KCNH7: variants seen among roughly 807,000 people sequenced by gnomAD.
KCNH7 encodes the protein potassium voltage-gated channel subfamily H member 7, also known as voltage-gated inwardly rectifying potassium channel KCNH7.
A neutral mutation model predicts 120.8 loss-of-function variants in KCNH7; 49 were observed. The observed-to-expected ratio is 0.41, with a 90% CI of 0.32 to 0.51. KCNH7 has a LOEUF of 0.51. Ranked by LOEUF, KCNH7 falls within the 20% of genes least tolerant of loss-of-function variation. KCNH7 has a pLI of 0.38. For synonymous variants in KCNH7, 547 were observed against 516.1 expected (o/e 1.06, Z -0.81); for missense variants, 1,097 against 1,446.6 (o/e 0.76, Z 3.92).
intron 5 of KCNH7, among the ~76,000 whole-genome samples, chr2:162,506,580 T>C (rs1690890256): frequency 6.6e-6 from 1 of 151,806 alleles, no homozygotes; most frequent in Non-Finnish European, 1.5e-5. Context: ...TATAGTTAAA[T>C]TGTATTCAAA....
Position 162,379,964 on chromosome 2 carries a change from G to C in KCNH7, c.3020C>G (p.Ser1007Cys). Residue 1007 changes from serine to cysteine, a missense_variant, in exon 14 of 16, where the codon TCC becomes TGC. By Grantham distance (112) the Ser-to-Cys change is moderately radical. Transcript: ENST00000332142. ...AGCTCGCTGAAGTGCAGATGGACTGGAGTCTTCAGGCTGGGGATGTGCATT... is the reference window on the plus strand; with the variant it reads ...AGCTCGCTGAAGTGCAGATGGACTGCAGTCTTCAGGCTGGGGATGTGCATT... ...RENAHPQPED[S>C]SPSALQRAAW... 1.2e-6 allele frequency: 2 copies of C among 1,614,040 alleles called. No individual in the cohort carries two copies. Among genetic ancestry groups the C allele is most frequent in the Non-Finnish European group, 1.7e-6 (2 of 1,179,946 alleles).
intron 2 of KCNH7, among the ~76,000 whole-genome samples, chr2:162,549,517 A>T (rs372651932): frequency 3.3e-5 from 5 of 152,188 alleles, no homozygotes; most frequent in African/African-American, 1.2e-4. Context: ...ATATCAGAAA[A>T]GTTTCTCTGA....
At chr2:162,671,383 T>A (rs1358303897) in intron 2 of KCNH7, among the ~76,000 whole-genome samples, 1 of 149,142 alleles carries the variant, frequency 6.7e-6, no homozygotes, top group East Asian at 2.1e-4. Flanking sequence ...ATTAAAAAAA[T>A]GAAATCATGT....
At chr2:162,427,519 A>C (rs914520673) in intron 8 of KCNH7, among the ~76,000 whole-genome samples, 1 of 151,912 alleles carries the variant, frequency 6.6e-6, no homozygotes, top group Non-Finnish European at 1.5e-5. Flanking sequence ...CTGTCTTTTC[A>C]AATACTTCAC....
intron 8 of KCNH7, 96 bp downstream of exon 8, chr2:162,435,102 G>A: frequency 4.3e-6 from 5 of 1,167,778 alleles, no homozygotes; most frequent in Non-Finnish European, 6.0e-6. Context: ...TCAATTTTCT[G>A]TAATCTTTTT....
chr2:162,619,464 A>G (rs868767181), intron 2 of KCNH7, among the ~76,000 whole-genome samples: 19 of 151,844 alleles, frequency 1.3e-4, no homozygotes, highest in African/African-American at 4.6e-4. Context: ...AATTGTTAAA[A>G]AAAAAAAAGA....
chr2:162,454,357 T>C (rs564111871), intron 6 of KCNH7, among the ~76,000 whole-genome samples: 2 of 152,308 alleles, frequency 1.3e-5, no homozygotes, highest in African/African-American at 4.8e-5. Flanking sequence ...ACTGTAGCCA[T>C]GTAGCATAGT....
chr2:162,791,475 G>A (rs772969535), intron 2 of KCNH7, among the ~76,000 whole-genome samples: 2 of 151,750 alleles, frequency 1.3e-5, no homozygotes, highest in Non-Finnish European at 2.9e-5. Context: ...AGTGTTTTGT[G>A]GTTCTCCTTG....
In KCNH7 at chr2:162,556,994, G is replaced by C. The variant is rs540241071; in HGVS notation, c.308-19914C>G. On this transcript the variant is annotated intron_variant, in intron 2 of 15. Transcript: ENST00000332142. ...AGATCAGTTGGTGTTCTGGTTGTCT[G>C]TTGCTGTGTAACAAACCACCTCAAC... Among the ~76,000 whole-genome samples the C allele has an allele frequency of 2.6e-5, 4 of 152,234 alleles. No individual in the cohort carries two copies. In the South Asian group the frequency reaches 8.3e-4, roughly 32 times the overall value.
chr2:162,768,225 A>T (rs1682898050), intron 2 of KCNH7, among the ~76,000 whole-genome samples: 1 of 152,230 alleles, frequency 6.6e-6, no homozygotes, highest in South Asian at 2.1e-4. Flanking sequence ...TTGAAGGCTG[A>T]CTATCAAAGG....
At chr2:162,724,388 G>A (rs1165924249) in intron 2 of KCNH7, among the ~76,000 whole-genome samples, 3 of 152,086 alleles carry the variant, frequency 2.0e-5, no homozygotes, top group Non-Finnish European at 1.5e-5. Context: ...AGAATATACT[G>A]TAGGCCGGGC....
intron 11 of KCNH7, among the ~76,000 whole-genome samples, 158 bp from the exon 12 acceptor site, chr2:162,394,643 T>C: frequency 6.6e-6 from 1 of 151,994 alleles, no homozygotes. Flanking sequence ...TTAATACTTG[T>C]CTCTTTATTG....
At chr2:162,586,785 TATAA>T (rs1344298217) in intron 2 of KCNH7, among the ~76,000 whole-genome samples, 4 of 151,818 alleles carry the variant, frequency 2.6e-5, no homozygotes, top group South Asian at 2.1e-4. Context: ...AATTTCTTAG[TATAA>T]ATAATTTTCA....
At chr2:162,531,635 T>C (rs964045629) in intron 3 of KCNH7, among the ~76,000 whole-genome samples, 1 of 152,010 alleles carries the variant, frequency 6.6e-6, no homozygotes, top group Non-Finnish European at 1.5e-5. Flanking sequence ...AAGTTTTTTA[T>C]GGTAGCTCAA....
intron 8 of KCNH7, among the ~76,000 whole-genome samples, chr2:162,431,437 CAT>C (rs1352533922): frequency 1.3e-5 from 2 of 151,910 alleles, no homozygotes; most frequent in African/African-American, 4.8e-5. Flanking sequence ...CTGGGAATAT[CAT>C]GTGCATATAC....
intron 2 of KCNH7, among the ~76,000 whole-genome samples, chr2:162,541,863 A>G (rs891279461): frequency 6.6e-6 from 1 of 152,088 alleles, no homozygotes; most frequent in Non-Finnish European, 1.5e-5. Context: ...AATTGAAGAA[A>G]AAAAGGCTGT....
At chr2:162,392,166 C>T (rs958401998) in intron 12 of KCNH7, among the ~76,000 whole-genome samples, 1 of 151,910 alleles carries the variant, frequency 6.6e-6, no homozygotes, top group African/African-American at 2.4e-5. Flanking sequence ...GAAAGAGAAG[C>T]TTTACATTTG....
chr2:162,406,871 G>T (rs1202552331), intron 9 of KCNH7, among the ~76,000 whole-genome samples: 4 of 151,880 alleles, frequency 2.6e-5, no homozygotes, highest in African/African-American at 9.7e-5. Flanking sequence ...ATTCCTGTGG[G>T]TTAGCCATTG....
chr2:162,394,902 C>T (rs1000009641), intron 11 of KCNH7, among the ~76,000 whole-genome samples: 1 of 151,758 alleles, frequency 6.6e-6, no homozygotes, highest in Non-Finnish European at 1.5e-5. Context: ...CTCTGTTACT[C>T]CTCAGACAGC....
Sources: allele counts gnomAD v4.1 joint callset (sites outside exome capture counted in the v4.1 genomes callset), GRCh38; gene constraint gnomAD v4.1.1; transcripts MANE v1.5; gene names NCBI Gene and HGNC (gene_info 2026-07-23, HGNC 2026-07-21).